The following CFAP44 variants were observed in gnomAD, a reference collection of about 807,000 sequenced individuals.
CFAP44 encodes the protein cilia- and flagella-associated protein 44.
CFAP44 carries 134 observed loss-of-function variants against 216.2 expected under a neutral mutation model. That is an observed-to-expected ratio of 0.62 (90% CI 0.54 to 0.72). CFAP44 has a LOEUF of 0.72. CFAP44 is among the 30% of genes least tolerant of loss of function. The pLI, the probability that CFAP44 is intolerant of heterozygous loss-of-function variation, is 0.00. For synonymous variants in CFAP44, 700 were observed against 727.6 expected (o/e 0.96, Z 0.61); for missense variants, 2,035 against 2,182.1 (o/e 0.93, Z 1.34).
intron 17 of CFAP44, among the ~76,000 whole-genome samples, chr3:113,375,916 G>GA (rs768107892): frequency 2.0e-5 from 3 of 151,298 alleles, no homozygotes; most frequent in Non-Finnish European, 2.9e-5. Context: ...GAAAACTGTG[G>GA]AAAAAATTAC....
At chr3:113,441,511 A>G, upstream of CFAP44, 1 of 985,040 alleles carries the variant, frequency 1.0e-6, no homozygotes. Context: ...GCCTCCGTTT[A>G]CTCCGGTTAC....
At chr3:113,357,578 A>G (rs1559922014) in intron 22 of CFAP44, among the ~76,000 whole-genome samples, 1 of 152,234 alleles carries the variant, frequency 6.6e-6, no homozygotes, top group South Asian at 2.1e-4. Context: ...AGAAAGAACC[A>G]ACTTGCCTGA....
chr3:113,371,638 C>A (rs9822309), intron 18 of CFAP44, among the ~76,000 whole-genome samples: 38,488 of 152,096 alleles, frequency 0.25, 5,044 homozygotes, highest in East Asian at 0.41. Context: ...TAGAAGAAAA[C>A]CTAGGCAATA....
rs1341189776 is a variant in CFAP44, at chr3:113,396,591, T to G, written c.1706A>C (p.Gln569Pro). 1.9e-6 allele frequency: 3 copies of G among 1,614,002 alleles called. No homozygotes were observed. The highest frequency in any genetic ancestry group is 2.7e-5 in the African/African-American group (2 of 74,928). Residue 569 changes from glutamine (Q) to proline (P), a missense_variant, in exon 14 of 35, where the codon CAG becomes CCG. Physicochemically the swap from Gln to Pro is moderately conservative, Grantham distance 76 (BLOSUM62 -1). Transcript: ENST00000393845. ...KILDADIQLK[Q>P]VFKPHTACVT... Reference sequence around the variant, plus strand: ...ACAAGCAGTATGGGGTTTGAAAACCTGTTTCAACTGAATATCAGCATCCAA... The same window carrying G: ...ACAAGCAGTATGGGGTTTGAAAACCGGTTTCAACTGAATATCAGCATCCAA...
intron 34 of CFAP44, 187 bp downstream of exon 34, chr3:113,294,500 C>T (rs1353506430): frequency 1.5e-6 from 1 of 656,688 alleles, no homozygotes; most frequent in East Asian, 3.0e-5. Context: ...TTCAATAAAG[C>T]TAGTCCCTCA....
chr3:113,421,006 T>C (rs964286950), intron 4 of CFAP44, among the ~76,000 whole-genome samples: 9 of 152,062 alleles, frequency 5.9e-5, no homozygotes, highest in Non-Finnish European at 5.9e-5. Flanking sequence ...GGGACCTAAC[T>C]CAACTAAAGA....
chr3:113,291,833 T>G, intron 34 of CFAP44, 85 bp from the exon 35 acceptor site: 3 of 1,421,318 alleles, frequency 2.1e-6, no homozygotes, highest in Non-Finnish European at 2.8e-6. Context: ...CTGTGATGAG[T>G]GCTGGCCTGA....
chr3:113,350,636 G>A lies in CFAP44; in HGVS notation c.3066-5924C>T, dbSNP rs551402998. Among the ~76,000 whole-genome samples the A allele has an allele frequency of 1.1e-3, 171 of 152,344 alleles. 3 individuals are homozygous for A. Among genetic ancestry groups the A allele is most frequent in the South Asian group, 5.8e-3 (28 of 4,826 alleles). On this transcript the variant is annotated intron_variant, in intron 22 of 34. Coordinates refer to ENST00000393845, the MANE Select transcript of CFAP44 (RefSeq NM_001164496.2). ...AAAGCACTGAGGCCACTGACAACCCGTAGCCTTCCTATCAGAGATCCTTGG... is the reference window on the plus strand; with the variant it reads ...AAAGCACTGAGGCCACTGACAACCCATAGCCTTCCTATCAGAGATCCTTGG...
At chr3:113,372,295 C>T (rs1933193560) in intron 18 of CFAP44, among the ~76,000 whole-genome samples, 2 of 152,198 alleles carry the variant, frequency 1.3e-5, no homozygotes, top group South Asian at 4.1e-4. Context: ...TTTATTGCAG[C>T]ACCATTCACA....
chr3:113,420,215 C>T (rs901244897), intron 4 of CFAP44, 36 bp from the exon 5 acceptor site: 1 of 1,586,894 alleles, frequency 6.3e-7, no homozygotes, highest in Non-Finnish European at 8.6e-7. Flanking sequence ...AAGTGAAAAA[C>T]ACTACCATCC....
chr3:113,407,354 C>T (rs1576594180), intron 7 of CFAP44, among the ~76,000 whole-genome samples: 1 of 152,260 alleles, frequency 6.6e-6, no homozygotes, highest in East Asian at 1.9e-4. Flanking sequence ...AAGTAATTAA[C>T]ATTAAATAAA....
intron 28 of CFAP44, among the ~76,000 whole-genome samples, chr3:113,323,999 G>A (rs140918936): frequency 1.1e-3 from 159 of 145,686 alleles, no homozygotes; most frequent in African/African-American, 3.6e-3. Context: ...AGCACAGATC[G>A]CGCCACCGCA....
At chr3:113,398,141 T>A (rs1324567933) in intron 13 of CFAP44, among the ~76,000 whole-genome samples, 2 of 152,152 alleles carry the variant, frequency 1.3e-5, no homozygotes, top group Admixed American at 1.3e-4. Context: ...AATGTACCAG[T>A]AACTATAGAG....
chr3:113,387,648 C>T (rs1302341986), intron 15 of CFAP44, among the ~76,000 whole-genome samples: 1 of 152,010 alleles, frequency 6.6e-6, no homozygotes, highest in Non-Finnish European at 1.5e-5. Context: ...AGGACTCCTT[C>T]TGCTTGAGAA....
chr3:113,306,408 A>G (rs1949986057), intron 29 of CFAP44, 77 bp from the exon 30 acceptor site: 1 of 1,485,518 alleles, frequency 6.7e-7, no homozygotes, highest in African/African-American at 1.4e-5. Flanking sequence ...AACTTTGGAG[A>G]TTCAGAATCA....
At chr3:113,332,431 T>G (rs1419339336) in intron 25 of CFAP44, among the ~76,000 whole-genome samples, 1 of 152,164 alleles carries the variant, frequency 6.6e-6, no homozygotes, top group Non-Finnish European at 1.5e-5. Flanking sequence ...CTCAGGACAT[T>G]TCATTTTCAT....
intron 19 of CFAP44, among the ~76,000 whole-genome samples, chr3:113,364,876 G>C (rs559178669): frequency 6.6e-6 from 1 of 152,036 alleles, no homozygotes; most frequent in African/African-American, 2.4e-5. Context: ...GTACAGTAAG[G>C]TAAGAACCTC....
chr3:113,349,306 A>T (rs1950419158), intron 22 of CFAP44, among the ~76,000 whole-genome samples: 1 of 152,202 alleles, frequency 6.6e-6, no homozygotes, highest in Admixed American at 6.5e-5. Context: ...AGCCACAGGT[A>T]TCAGGAGAAA....
At chr3:113,408,836 C>G (rs1934365658) in intron 7 of CFAP44, among the ~76,000 whole-genome samples, 1 of 141,388 alleles carries the variant, frequency 7.1e-6, no homozygotes, top group Non-Finnish European at 1.5e-5. Flanking sequence ...GCACTCCAGC[C>G]TGGGCAACAA....
Sources: allele counts gnomAD v4.1 joint callset (sites outside exome capture counted in the v4.1 genomes callset), GRCh38; gene constraint gnomAD v4.1.1; transcripts MANE v1.5; gene names NCBI Gene and HGNC (gene_info 2026-07-23, HGNC 2026-07-21).